STAT1: variants seen among roughly 807,000 people sequenced by gnomAD.
STAT1 encodes the protein signal transducer and activator of transcription 1-alpha/beta.
Under a neutral mutation model 111.7 loss-of-function variants are expected in STAT1, and 24 were observed. The ratio of observed to expected loss-of-function variants is 0.21; its 90% CI spans 0.16 to 0.30. The LOEUF is 0.30. STAT1 is among the 10% of genes least tolerant of loss of function. The pLI is 1.00. For synonymous variants in STAT1, 332 were observed against 326.5 expected, an observed-to-expected ratio of 1.02 and a Z score of -0.18; for missense variants, 351 against 911.9, an observed-to-expected ratio of 0.38 and a Z score of 7.92.
intron 5 of STAT1, among the ~76,000 whole-genome samples, chr2:191,005,530 A>C (rs1190819903): frequency 1.3e-5 from 2 of 152,212 alleles, no homozygotes; most frequent in Non-Finnish European, 2.9e-5. Flanking sequence ...CGTTCAGTAC[A>C]ACTTCATATT....
Position 190,977,425 on chromosome 2 carries a change from T to C in STAT1, c.1874-400A>G, listed in dbSNP as rs939639054. Among the ~76,000 whole-genome samples, 2 of 152,244 alleles carry C rather than the reference T, an allele frequency of 1.3e-5. No individual in the cohort carries two copies. Among genetic ancestry groups the C allele is most frequent in the African/African-American group, 4.8e-5 (2 of 41,476 alleles). ...AGAGATAAACTCACTTTGTTTTTCT[T>C]TTCATATTGAAAAATCTAATTTTTT... On this transcript the variant is annotated intron_variant, in intron 21 of 24. Transcript: ENST00000361099. The surrounding 1 kb of genome is among the most constrained non-coding windows in gnomAD (Gnocchi z 4.7).
In STAT1 at chr2:190,976,718, C is replaced by G. The variant is rs1312572807; in HGVS notation, c.2059+122G>C. 4 of 840,238 alleles carry G rather than the reference C, an allele frequency of 4.8e-6. No homozygotes were observed. The highest frequency in any genetic ancestry group is 1.7e-5 in the African/African-American group (1 of 59,750). The allele number at this position is 840,238 out of a possible 1,614,324, so 52.0% of individuals were successfully genotyped here. On this transcript the variant is annotated intron_variant, in intron 22 of 24. Transcript: ENST00000361099. This position sits in a 1 kb window ranked among gnomAD's most constrained non-coding sequence, Gnocchi z 6.0. ...TTCACCTGCACTGAGTTTATGCCAT[C>G]TTTTGAAAGCCTACTCTTACCAATT...
rs552560020 is a variant in STAT1 at position 190,994,695 on chromosome 2, C to G, written c.944+366G>C. Among the ~76,000 whole-genome samples, 389 of 151,874 alleles carry G rather than the reference C, an allele frequency of 2.6e-3. 1 individual carries two copies. Among genetic ancestry groups the G allele is most frequent in the African/African-American group, 8.9e-3 (367 of 41,446 alleles). On this transcript the variant is annotated intron_variant, in intron 10 of 24. Coordinates refer to ENST00000361099, the MANE Select transcript of STAT1 (RefSeq NM_007315.4). ...CAGCACTTTGGGAGGCCGAGGAGGG[C>G]AGATCACCTGAGTTCAGGAGTTGGA...
chr2:191,012,033 G>A lies in STAT1; in HGVS notation c.-2+1492C>T, dbSNP rs1305195745. ...CCCAAAGTGCTGGGATTACAGGCGT[G>A]AGCTTCCGCACCCTGCCACAGTTGG... On this transcript the variant is annotated intron_variant, in intron 2 of 24. Coordinates refer to ENST00000361099, the MANE Select transcript of STAT1 (RefSeq NM_007315.4). The surrounding 1 kb of genome is among the most constrained non-coding windows in gnomAD (Gnocchi z 4.0). Among the ~76,000 whole-genome samples the A allele has an allele frequency of 6.6e-6, 1 of 151,906 alleles. No individual in the cohort carries two copies. Among genetic ancestry groups the A allele is most frequent in the African/African-American group, 2.4e-5 (1 of 41,354 alleles).
chr2:190,982,767 GA>G lies in STAT1; in HGVS notation c.1447-250del. Among the ~76,000 whole-genome samples, 1 of 152,274 alleles carries G rather than the reference GA, an allele frequency of 6.6e-6. No individual in the cohort carries two copies. The highest frequency in any genetic ancestry group is 1.9e-4 in the East Asian group (1 of 5,188). ...CATGGCATCTTTGGGGTCATTTGAA[GA>G]CACACCCGTGCACACACAGCAGCAC... is the stretch of plus-strand genomic sequence containing the variant. On this transcript the variant is annotated intron_variant, in intron 17 of 24. Transcript: ENST00000361099. The surrounding 1 kb of genome is among the most constrained non-coding windows in gnomAD (Gnocchi z 7.3).
At position 191,008,698 on chromosome 2, in the gene STAT1, T is replaced by C. The variant is rs116062647; in HGVS notation, c.273+265A>G. 2.3e-3 allele frequency among the ~76,000 whole-genome samples: 354 copies of C among 152,362 alleles called. 1 individual carries two copies. The highest frequency in any genetic ancestry group is 7.8e-3 in the African/African-American group (323 of 41,590). ...GACAATTTTTAGTAAAACAAAATTA[T>C]AGCATCACATTTTTCTCAGGATTAC... On this transcript the variant is annotated intron_variant, in intron 4 of 24. Coordinates refer to ENST00000361099, the MANE Select transcript of STAT1 (RefSeq NM_007315.4).
Position 190,970,538 on chromosome 2 carries a change from T to C in STAT1, c.*165A>G. The stretch of plus-strand genomic sequence containing the variant: ...TGATGCCCTTCAGAGTAACTGATGT[T>C]TCTGAGTTAGAGAAAAATTCACTTG... On this transcript the variant is annotated 3_prime_UTR_variant, in exon 25 of 25. Transcript: ENST00000361099. This position sits in a 1 kb window ranked among gnomAD's most constrained non-coding sequence, Gnocchi z 5.4. 1.3e-6 allele frequency: 1 copy of C among 750,698 alleles called. No individual in the cohort carries two copies. The highest frequency in any genetic ancestry group is 2.3e-6 in the Non-Finnish European group (1 of 426,874). 46.5% of individuals were successfully genotyped at this position (750,698 alleles called of 1,614,324 possible). A position where few individuals can be genotyped will look rare whatever the true frequency, so the allele number is the denominator to read the frequency against.
chr2:190,982,615 T>G lies in STAT1; in HGVS notation c.1447-97A>C. The G allele has an allele frequency of 7.4e-7, 1 of 1,347,052 alleles. No homozygotes were observed. Among genetic ancestry groups the G allele is most frequent in the Non-Finnish European group, 1.1e-6 (1 of 940,130 alleles). 83.4% of individuals were successfully genotyped at this position (1,347,052 alleles called of 1,614,324 possible). On this transcript the variant is annotated intron_variant, in intron 17 of 24. Transcript: ENST00000361099. The surrounding 1 kb of genome is among the most constrained non-coding windows in gnomAD (Gnocchi z 7.3). ...TGTCCATCCCAAAGTTCAATTCTAGTTTATATGACACACAGGTGCTTTCAC... is the reference window on the plus strand; with the variant it reads ...TGTCCATCCCAAAGTTCAATTCTAGGTTATATGACACACAGGTGCTTTCAC...
rs1158361327 is a variant in STAT1 at position 191,004,365 on chromosome 2, G to A, written c.372+3198C>T. Among the ~76,000 whole-genome samples the A allele has an allele frequency of 2.6e-5, 4 of 152,158 alleles. No individual in the cohort carries two copies. The highest frequency in any genetic ancestry group is 9.7e-5 in the African/African-American group (4 of 41,434). On this transcript the variant is annotated intron_variant, in intron 5 of 24. Coordinates refer to ENST00000361099, the MANE Select transcript of STAT1 (RefSeq NM_007315.4). The surrounding 1 kb of genome is among the most constrained non-coding windows in gnomAD (Gnocchi z 5.0). ...ACTGTACCTCTAGAGACCTTGTTTGGATGGGAACTTGGTTACTCCAGACCC... is the reference window on the plus strand; with the variant it reads ...ACTGTACCTCTAGAGACCTTGTTTGAATGGGAACTTGGTTACTCCAGACCC...
Position 190,995,885 on chromosome 2 carries a change from T to C in STAT1, c.786-666A>G, listed in dbSNP as rs990001300. 6.6e-6 allele frequency among the ~76,000 whole-genome samples: 1 copy of C among 152,130 alleles called. No individual in the cohort carries two copies. Among genetic ancestry groups the C allele is most frequent in the African/African-American group, 2.4e-5 (1 of 41,422 alleles). ...GCAGGGCTTCTAGGTGATCTGTGAC[T>C]GGTGCAGGGCAAAGAGGAGGCCAGA... On this transcript the variant is annotated intron_variant, in intron 9 of 24. Transcript: ENST00000361099. This position sits in a 1 kb window ranked among gnomAD's most constrained non-coding sequence, Gnocchi z 4.2.
At position 191,003,523 on chromosome 2, in the gene STAT1, T is replaced by C. The variant is rs1574666872; in HGVS notation, c.373-2360A>G. Among the ~76,000 whole-genome samples, 1 of 152,176 alleles carries C rather than the reference T, an allele frequency of 6.6e-6. No individual in the cohort carries two copies. The highest frequency in any genetic ancestry group is 1.5e-5 in the Non-Finnish European group (1 of 68,032). On this transcript the variant is annotated intron_variant, in intron 5 of 24. Coordinates refer to ENST00000361099, the MANE Select transcript of STAT1 (RefSeq NM_007315.4). This position sits in a 1 kb window ranked among gnomAD's most constrained non-coding sequence, Gnocchi z 4.0. ...GTTTAGCACCATCCTCTTGGTACTATCCTTGTGATCACGAGTTCTCACAAG... is the reference window on the plus strand; with the variant it reads ...GTTTAGCACCATCCTCTTGGTACTACCCTTGTGATCACGAGTTCTCACAAG...
rs1468324302 is a variant in STAT1 at position 190,977,801 on chromosome 2, A to G, written c.1874-776T>C. ...ATATCTGTCTCTCAGCTGGTTCAGG[A>G]AGGGAACAGGATAAGAGGAAAAGGG... On this transcript the variant is annotated intron_variant, in intron 21 of 24. Transcript: ENST00000361099. This position sits in a 1 kb window ranked among gnomAD's most constrained non-coding sequence, Gnocchi z 4.7. Among the ~76,000 whole-genome samples the G allele has an allele frequency of 1.3e-5, 2 of 152,148 alleles. No homozygotes were observed. The highest frequency in any genetic ancestry group is 4.8e-5 in the African/African-American group (2 of 41,414).
In STAT1 at chr2:190,995,614, T is replaced by C. The variant is rs924562953; in HGVS notation, c.786-395A>G. Reference sequence around the variant, plus strand: ...ACATGGGGATTATTACAATTCAAGGTGAGATTTGGGTGGGGACACGGCCAA... The same window carrying C: ...ACATGGGGATTATTACAATTCAAGGCGAGATTTGGGTGGGGACACGGCCAA... On this transcript the variant is annotated intron_variant, in intron 9 of 24. Transcript: ENST00000361099. This position sits in a 1 kb window ranked among gnomAD's most constrained non-coding sequence, Gnocchi z 4.2. Among the ~76,000 whole-genome samples the C allele has an allele frequency of 5.3e-5, 8 of 152,080 alleles. No homozygotes were observed. The highest frequency in any genetic ancestry group is 1.4e-4 in the African/African-American group (6 of 41,386).
chr2:191,003,370 G>A lies in STAT1; in HGVS notation c.373-2207C>T, dbSNP rs1446045647. 6.6e-6 allele frequency among the ~76,000 whole-genome samples: 1 copy of A among 152,218 alleles called. No homozygotes were observed. Among genetic ancestry groups the A allele is most frequent in the Non-Finnish European group, 1.5e-5 (1 of 68,036 alleles). ...TTTCTGCCTGTGCAGGGAAATCTTT[G>A]CTGTTGTCTAATTCTGACATGGTTT... On this transcript the variant is annotated intron_variant, in intron 5 of 24. Coordinates refer to ENST00000361099, the MANE Select transcript of STAT1 (RefSeq NM_007315.4). The surrounding 1 kb of genome is among the most constrained non-coding windows in gnomAD (Gnocchi z 4.0).
In STAT1 at chr2:190,970,729, C is replaced by G; in HGVS notation, c.2239-12G>C. On this transcript the variant is annotated splice_polypyrimidine_tract_variant and intron_variant, in intron 24 of 24. Transcript: ENST00000361099. This position sits in a 1 kb window ranked among gnomAD's most constrained non-coding sequence, Gnocchi z 5.4. Reference sequence around the variant, plus strand: ...TATACTGTGTTCATCTGTAAAAAGACAAAATGTGGTTAAGTTTATTACACT... The same window carrying G: ...TATACTGTGTTCATCTGTAAAAAGAGAAAATGTGGTTAAGTTTATTACACT... 6.2e-7 allele frequency: 1 copy of G among 1,612,688 alleles called. No individual in the cohort carries two copies. The highest frequency in any genetic ancestry group is 8.5e-7 in the Non-Finnish European group (1 of 1,179,048).
In STAT1 at chr2:190,994,769, A is replaced by T. The variant is rs868095450; in HGVS notation, c.944+292T>A. Among the ~76,000 whole-genome samples, 8 of 151,880 alleles carry T rather than the reference A, an allele frequency of 5.3e-5. 1 individual carries two copies. The highest frequency in any genetic ancestry group is 1.9e-4 in the African/African-American group (8 of 41,362). ...AACCCAGTCTCTACTAAAAAAAATT[A>T]GCCAGGTGGGGTGGCATGCGCCTGT... On this transcript the variant is annotated intron_variant, in intron 10 of 24. Coordinates refer to ENST00000361099, the MANE Select transcript of STAT1 (RefSeq NM_007315.4).
rs1204359855 is a variant in STAT1, at chr2:191,004,465, T to C, written c.372+3098A>G. 1.3e-5 allele frequency among the ~76,000 whole-genome samples: 2 copies of C among 152,176 alleles called. No homozygotes were observed. The highest frequency in any genetic ancestry group is 4.8e-5 in the African/African-American group (2 of 41,444). ...GTGAGCAGTTGTCCAAGTAAGGGAA[T>C]AGGCACTCCATGGGTGTGAGAAGTT... is the stretch of plus-strand genomic sequence containing the variant. On this transcript the variant is annotated intron_variant, in intron 5 of 24. Transcript: ENST00000361099. The surrounding 1 kb of genome is among the most constrained non-coding windows in gnomAD (Gnocchi z 5.0).
chr2:190,990,161 G>A lies in STAT1; in HGVS notation c.1038-487C>T, dbSNP rs1170435357. 1.3e-5 allele frequency among the ~76,000 whole-genome samples: 2 copies of A among 152,196 alleles called. No individual in the cohort carries two copies. Among genetic ancestry groups the A allele is most frequent in the African/African-American group, 4.8e-5 (2 of 41,450 alleles). On this transcript the variant is annotated intron_variant, in intron 11 of 24. Transcript: ENST00000361099. This position sits in a 1 kb window ranked among gnomAD's most constrained non-coding sequence, Gnocchi z 5.1. ...CCCCAGGGTAGCATGGAAAGATGGAGGGCAGGTGAGAGGGTGTACCTCTGC... is the reference window on the plus strand; with the variant it reads ...CCCCAGGGTAGCATGGAAAGATGGAAGGCAGGTGAGAGGGTGTACCTCTGC...
rs747331873 is a variant in STAT1 at position 190,975,844 on chromosome 2, A to G, written c.2103T>C (p.Tyr701=). 2 of 1,614,090 alleles carry G rather than the reference A, an allele frequency of 1.2e-6. No homozygotes were observed. The highest frequency in any genetic ancestry group is 2.7e-5 in the African/African-American group (2 of 74,940). The change falls in exon 23 of 25, where the codon TAT becomes TAC. Residue 701 remains tyrosine (Y), a synonymous_variant. Coordinates refer to ENST00000361099, the MANE Select transcript of STAT1 (RefSeq NM_007315.4). The surrounding 1 kb of genome is among the most constrained non-coding windows in gnomAD (Gnocchi z 5.9). ...MELDGPKGTG[Y]IKTELISVSE... ...ACACAGAAATCAACTCAGTCTTGAT[A>G]TATCCAGTTCCTTTAGGGCCATCAA...
Sources: allele counts gnomAD v4.1 joint callset (sites outside exome capture counted in the v4.1 genomes callset), GRCh38; gene constraint gnomAD v4.1.1; non-coding constraint Gnocchi (gnomAD v3.1); transcripts MANE v1.5; gene names NCBI Gene and HGNC (gene_info 2026-07-23, HGNC 2026-07-21).